Variants in HELLS observed in about 807,000 individuals in gnomAD.
HELLS encodes lymphoid-specific helicase.
In HELLS, 32 loss-of-function variants were observed where a neutral mutation model predicts 120.0. The observed-to-expected ratio is 0.27, with a 90% confidence interval of 0.20 to 0.36. The LOEUF is 0.36. Ranked by LOEUF, HELLS falls within the 10% of genes least tolerant of loss-of-function variation. The probability of loss-of-function intolerance (pLI) is 1.00; values close to 1 mark genes in which losing one functional copy is unlikely to be tolerated. For synonymous variants in HELLS, 341 were observed against 323.4 expected (o/e 1.05, Z -0.58); for missense variants, 650 against 993.4 (o/e 0.65, Z 4.65).
At chr10:94,562,566 T>G (rs1246875896) in intron 4 of HELLS, 125 bp from the exon 5 acceptor site, 1 of 645,122 alleles carries the variant, frequency 1.6e-6, no homozygotes, top group Non-Finnish European at 2.7e-6. Flanking sequence ...AGTATAATAG[T>G]GAAAAATTGT....
intron 18 of HELLS, 119 bp from the exon 19 acceptor site, chr10:94,594,576 A>G (rs1845653580): frequency 1.6e-6 from 1 of 642,460 alleles, no homozygotes; most frequent in Non-Finnish European, 2.5e-6. Context: ...GGAAGTTTAA[A>G]TTAAGACACC....
chr10:94,587,100 A>T (rs1243796833), intron 12 of HELLS, among the ~76,000 whole-genome samples: 1 of 152,058 alleles, frequency 6.6e-6, no homozygotes, highest in African/African-American at 2.4e-5. Flanking sequence ...TATAAATGTG[A>T]TAATCATTTG....
At chr10:94,604,454 A>ACCCCCCCCCCCCCCCCCCC (rs1225796125), downstream of HELLS, among the ~76,000 whole-genome samples, 1 of 102,418 alleles carries the variant, frequency 9.8e-6, no homozygotes, top group Non-Finnish European at 2.0e-5. Flanking sequence ...CTCTGCCCCC[A>ACCCCCCCCCCCCCCCCCCC]CCCCCCGCCA....
At chr10:94,564,422 A>G (rs1298875397) in intron 6 of HELLS, among the ~76,000 whole-genome samples, 1 of 152,014 alleles carries the variant, frequency 6.6e-6, no homozygotes, top group Non-Finnish European at 1.5e-5. Context: ...ACTTTTTGTA[A>G]CCCCTAACCT....
intron 6 of HELLS, chr10:94,569,805 T>C (rs1411410632): frequency 6.6e-6 from 1 of 152,178 alleles, no homozygotes; most frequent in African/African-American, 2.4e-5. Context: ...AAAAGTTACA[T>C]AAATTGTGTT....
At chr10:94,548,742 C>T (rs1347664415) in intron 2 of HELLS, among the ~76,000 whole-genome samples, 2 of 152,046 alleles carry the variant, frequency 1.3e-5, no homozygotes, top group East Asian at 3.9e-4. Flanking sequence ...GCTTGTAATC[C>T]CAGCACTTTG....
intron 2 of HELLS, among the ~76,000 whole-genome samples, chr10:94,547,962 C>T (rs1377067504): frequency 6.6e-6 from 1 of 152,146 alleles, no homozygotes; most frequent in Non-Finnish European, 1.5e-5. Flanking sequence ...CTTTTTGCTT[C>T]AGGGTAGATG....
At chr10:94,588,124 A>G (rs1845271704) in intron 12 of HELLS, 105 bp from the exon 13 acceptor site, 2 of 554,648 alleles carry the variant, frequency 3.6e-6, no homozygotes, top group Non-Finnish European at 6.0e-6. Context: ...GGCATTATTT[A>G]TATAGGAAGT....
chr10:94,597,230 T>A, intron 21 of HELLS, 119 bp downstream of exon 21: 1 of 571,164 alleles, frequency 1.8e-6, no homozygotes, highest in Non-Finnish European at 3.0e-6. Flanking sequence ...TTATTGTCAT[T>A]TTTCTTCTTA....
chr10:94,556,077 T>C (rs367694842), intron 3 of HELLS, among the ~76,000 whole-genome samples: 11 of 152,346 alleles, frequency 7.2e-5, no homozygotes, highest in African/African-American at 2.6e-4. Context: ...GACTTGGGCC[T>C]TGCGATTGGC....
intron 8 of HELLS, among the ~76,000 whole-genome samples, chr10:94,607,715 A>T (rs1360010487): frequency 6.6e-6 from 1 of 151,774 alleles, no homozygotes; most frequent in Non-Finnish European, 1.5e-5. Flanking sequence ...GCAATTTTAG[A>T]TAAGTTTTTT....
chr10:94,569,864 C>G (rs1034159727), intron 6 of HELLS: 4 of 152,012 alleles, frequency 2.6e-5, no homozygotes, highest in African/African-American at 9.7e-5. Flanking sequence ...TGTCTCTCAT[C>G]TTTTTTAAGA....
At chr10:94,554,412 A>G (rs184094684) in intron 3 of HELLS, among the ~76,000 whole-genome samples, 164 bp downstream of exon 3, 9 of 152,318 alleles carry the variant, frequency 5.9e-5, no homozygotes, top group Admixed American at 4.6e-4. Flanking sequence ...CACAATCAAG[A>G]TACAGTGCAC....
At chr10:94,599,266 A>G (rs1336468509) in intron 21 of HELLS, among the ~76,000 whole-genome samples, 1 of 152,256 alleles carries the variant, frequency 6.6e-6, no homozygotes, top group Non-Finnish European at 1.5e-5. Flanking sequence ...ATCTGATAAT[A>G]TAATTCATAT....
intron 6 of HELLS, among the ~76,000 whole-genome samples, chr10:94,566,377 AT>A (rs1843797845): frequency 6.6e-6 from 1 of 152,204 alleles, no homozygotes; most frequent in African/African-American, 2.4e-5. Flanking sequence ...TTAGGAAGAA[AT>A]AATAGCATTG....
chr10:94,580,160 T>TATAC (rs1214657686), intron 10 of HELLS, among the ~76,000 whole-genome samples: 1 of 64,540 alleles, frequency 1.5e-5, no homozygotes, highest in Non-Finnish European at 2.9e-5. Context: ...TATATATATA[T>TATAC]ATACACACAC....
intron 17 of HELLS, 69 bp from the exon 18 acceptor site, chr10:94,593,430 A>ATTT (rs1293002145): frequency 2.1e-6 from 2 of 951,538 alleles, no homozygotes; most frequent in Non-Finnish European, 3.4e-6. Flanking sequence ...AATTGAAAAC[A>ATTT]TTTTTCTCCT....
At chr10:94,564,988 T>C (rs1047046681) in intron 6 of HELLS, among the ~76,000 whole-genome samples, 1 of 152,244 alleles carries the variant, frequency 6.6e-6, no homozygotes, top group African/African-American at 2.4e-5. Context: ...AAGAAAAATT[T>C]ACATAATAGT....
At chr10:94,550,660 C>T (rs1045491677) in intron 2 of HELLS, among the ~76,000 whole-genome samples, 1 of 151,968 alleles carries the variant, frequency 6.6e-6, no homozygotes, top group African/African-American at 2.4e-5. Flanking sequence ...GAGGCTGAGG[C>T]GGGGCAGATC....
Sources: gnomAD v4.1 joint callset for allele counts (sites outside exome capture counted in the v4.1 genomes callset) on GRCh38, gnomAD v4.1.1 for gene constraint, MANE v1.5 for transcripts, NCBI Gene and HGNC (gene_info 2026-07-23, HGNC 2026-07-21) for gene names.